PTPRF: variants seen among roughly 807,000 people sequenced by gnomAD.
The protein encoded by PTPRF is receptor-type tyrosine-protein phosphatase F.
In PTPRF, 59 loss-of-function variants were observed where a neutral mutation model predicts 201.8. The observed-to-expected ratio is 0.29, with a 90% confidence interval of 0.24 to 0.36. PTPRF has a LOEUF of 0.36. PTPRF is among the 10% of genes least tolerant of loss of function. PTPRF has a pLI of 1.00. For synonymous variants in PTPRF, 1,088 were observed against 1,089.7 expected, an observed-to-expected ratio of 1.00 and a Z score of 0.03; for missense variants, 2,132 against 2,690.5, an observed-to-expected ratio of 0.79 and a Z score of 4.59.
chr1:43,603,009 G>A lies in PTPRF; in HGVS notation c.2341-407G>A, dbSNP rs2154024150. Among the ~76,000 whole-genome samples the A allele has an allele frequency of 6.6e-6, 1 of 152,300 alleles. No individual in the cohort carries two copies. Among genetic ancestry groups the A allele is most frequent in the East Asian group, 1.9e-4 (1 of 5,180 alleles). ...ATGCATGCACTGGTGTCCACAGGCAGCCTTACGCCTGCTTATGCAGGAGCT... is the reference window on the plus strand; with the variant it reads ...ATGCATGCACTGGTGTCCACAGGCAACCTTACGCCTGCTTATGCAGGAGCT... On this transcript the variant is annotated intron_variant, in intron 14 of 33. Transcript: ENST00000359947. The surrounding 1 kb of genome is among the most constrained non-coding windows in gnomAD (Gnocchi z 5.8).
At chr1:43,606,995 A>G (rs1176514964) in intron 21 of PTPRF, 27 bp downstream of exon 21, 1 of 1,609,686 alleles carries the variant, frequency 6.2e-7, no homozygotes. Context: ...GAGCTCCGGG[A>G]ACGGCCACCT....
In PTPRF at chr1:43,617,745, G is replaced by C; in HGVS notation, c.4205G>C (p.Gly1402Ala). 7 of 1,613,462 alleles carry C rather than the reference G, an allele frequency of 4.3e-6. No homozygotes were observed. Among genetic ancestry groups the C allele is most frequent in the Non-Finnish European group, 5.1e-6 (6 of 1,179,502 alleles). The change falls in exon 25 of 34, where the codon GGG becomes GCG. Residue 1402 changes from glycine to alanine, a missense_variant. Physicochemically the swap from Gly to Ala is moderately conservative, Grantham distance 60. This residue lies in a region of PTPRF where 818 missense variants were observed against 915.3 expected (regional missense o/e 0.89). Coordinates refer to ENST00000359947, the MANE Select transcript of PTPRF (RefSeq NM_002840.5). ...VILTSIDGVP[G>A]SDYINANYID... ...CCTTTCTTATCCATAGGCGTCCCCG[G>C]GAGTGACTACATCAATGCCAACTAC...
At chr1:43,523,890 G>T (rs200568832), upstream of PTPRF, among the ~76,000 whole-genome samples, 3 of 136,006 alleles carry the variant, frequency 2.2e-5, no homozygotes, top group African/African-American at 8.2e-5. Context: ...GTCTACTAAA[G>T]AAAAAAAAAA....
At chr1:43,559,979 G>A (rs2153979027) in intron 5 of PTPRF, among the ~76,000 whole-genome samples, 1 of 151,794 alleles carries the variant, frequency 6.6e-6, no homozygotes, top group Non-Finnish European at 1.5e-5. Flanking sequence ...ATGTGTGTGT[G>A]TCCAGCAGGT....
intron 26 of PTPRF, 66 bp from the exon 27 acceptor site, chr1:43,618,982 C>A: frequency 6.4e-7 from 1 of 1,555,280 alleles, no homozygotes; most frequent in South Asian, 1.2e-5. Flanking sequence ...AGCATCAGGT[C>A]ATTCAGTCCT....
intron 23 of PTPRF, 41 bp downstream of exon 23, chr1:43,613,756 C>G: frequency 6.5e-7 from 1 of 1,536,314 alleles, no homozygotes; most frequent in Non-Finnish European, 9.0e-7. Flanking sequence ...TGGCCCAGGC[C>G]TACCCAAACC....
intron 3 of PTPRF, among the ~76,000 whole-genome samples, chr1:43,550,853 A>G (rs1416452362): frequency 6.6e-6 from 1 of 152,030 alleles, no homozygotes; most frequent in African/African-American, 2.4e-5. Context: ...TTAAATGGAG[A>G]GCAGAAGGAT....
At chr1:43,528,044 G>A (rs1223951186), upstream of PTPRF, among the ~76,000 whole-genome samples, 1 of 152,228 alleles carries the variant, frequency 6.6e-6, no homozygotes, top group African/African-American at 2.4e-5. Context: ...TCTCCTGCCT[G>A]CAAGGAACTG....
intron 5 of PTPRF, 135 bp from the exon 6 acceptor site, chr1:43,569,455 A>C: frequency 3.4e-6 from 3 of 881,030 alleles, no homozygotes; most frequent in Admixed American, 2.8e-5. Flanking sequence ...GGTATGCTTC[A>C]TGCTTAGAAG....
At chr1:43,579,041 C>A in intron 7 of PTPRF, 121 bp downstream of exon 7, 1 of 887,932 alleles carries the variant, frequency 1.1e-6, no homozygotes, top group Non-Finnish European at 1.9e-6. Flanking sequence ...AGTCTCTTCT[C>A]CTTCCTGCTT....
chr1:43,561,923 C>T (rs1645832568), intron 5 of PTPRF, among the ~76,000 whole-genome samples: 1 of 152,322 alleles, frequency 6.6e-6, no homozygotes, highest in African/African-American at 2.4e-5. Flanking sequence ...CCCCCCTGCC[C>T]CTATACTCAC....
At chr1:43,600,131 G>A (rs1264760715) in intron 13 of PTPRF, among the ~76,000 whole-genome samples, 3 of 152,216 alleles carry the variant, frequency 2.0e-5, no homozygotes, top group Admixed American at 6.5e-5. Context: ...TAAGGCATCC[G>A]GGGTGGAGGA....
intron 16 of PTPRF, 105 bp downstream of exon 16, chr1:43,604,294 GGT>G (rs1654513334): frequency 1.7e-6 from 2 of 1,196,782 alleles, no homozygotes; most frequent in Non-Finnish European, 2.3e-6. Flanking sequence ...ACCAGCCTCT[GGT>G]GTGTGACCTC....
At chr1:43,606,748 TAATAGGCA>T (rs1316773770) in intron 20 of PTPRF, 58 bp from the exon 21 acceptor site, 1 of 1,576,298 alleles carries the variant, frequency 6.3e-7, no homozygotes, top group Non-Finnish European at 8.6e-7. Flanking sequence ...TCTCCAGGAT[TAATAGGCA>T]GAGGGTGGGG....
At chr1:43,595,749 G>T (rs914059961) in intron 11 of PTPRF, among the ~76,000 whole-genome samples, 2 of 152,122 alleles carry the variant, frequency 1.3e-5, no homozygotes, top group African/African-American at 2.4e-5. Flanking sequence ...AAGTACGGTG[G>T]GGGGGTTGTA....
intron 3 of PTPRF, among the ~76,000 whole-genome samples, chr1:43,551,583 T>A (rs1481221227): frequency 6.6e-6 from 1 of 152,188 alleles, no homozygotes; most frequent in Non-Finnish European, 1.5e-5. Context: ...GGGAAGGCCG[T>A]AGGTGAGCTT....
At chr1:43,605,863 T>G (rs1452830302) in intron 19 of PTPRF, among the ~76,000 whole-genome samples, 6 of 152,220 alleles carry the variant, frequency 3.9e-5, no homozygotes, top group Non-Finnish European at 8.8e-5. Context: ...GAGATGCCTC[T>G]GCAGGTCTAG....
At chr1:43,543,531 C>T (rs553571538) in intron 2 of PTPRF, among the ~76,000 whole-genome samples, 25 of 152,332 alleles carry the variant, frequency 1.6e-4, no homozygotes, top group Non-Finnish European at 3.1e-4. Context: ...GGACAACTCT[C>T]ACCCCTTTTC....
intron 7 of PTPRF, chr1:43,583,198 C>G: frequency 2.5e-6 from 2 of 789,122 alleles, no homozygotes; most frequent in Non-Finnish European, 3.1e-6. Flanking sequence ...CTCACTGCGC[C>G]GTGCCTGCCT....
Sources: gnomAD v4.1 joint callset for allele counts (sites outside exome capture counted in the v4.1 genomes callset) on GRCh38, gnomAD v4.1.1 for gene constraint, gnomAD v4.1.1 regional missense constraint, Gnocchi (gnomAD v3.1) non-coding constraint, MANE v1.5 for transcripts, NCBI Gene and HGNC (gene_info 2026-07-23, HGNC 2026-07-21) for gene names.